Variants in STARD13 observed in about 807,000 individuals in gnomAD.
The protein encoded by STARD13 is stAR-related lipid transfer protein 13.
A neutral mutation model predicts 106.4 loss-of-function variants in STARD13; 62 were observed. That is an observed-to-expected ratio of 0.58 (90% CI 0.48 to 0.72). The LOEUF is 0.72. STARD13 is among the 30% of genes least tolerant of loss of function. STARD13 has a pLI of 0.00. For synonymous variants in STARD13, 565 were observed against 553.0 expected (o/e 1.02, Z -0.31); for missense variants, 1,387 against 1,424.0 (o/e 0.97, Z 0.42).
chr13:33,464,104 T>C, the STARD13 span, among the ~76,000 whole-genome samples: 4 of 150,260 alleles, frequency 2.7e-5, no homozygotes, highest in Admixed American at 2.7e-4. Context: ...CAATGGTGAC[T>C]GAACTATATA....
At chr13:33,225,546 A>G (rs766334273) in intron 1 of STARD13, among the ~76,000 whole-genome samples, 7 of 152,208 alleles carry the variant, frequency 4.6e-5, no homozygotes, top group Admixed American at 2.6e-4. Flanking sequence ...GCTTTGGTAC[A>G]TAATATTTAT....
exon 1 of STARD13, chr13:33,350,433 C>A (rs936434514): frequency 6.6e-7 from 1 of 1,524,260 alleles, no homozygotes; most frequent in African/African-American, 1.4e-5. Flanking sequence ...GTCCTCATAA[C>A]GACCGGCGGG....
chr13:33,376,043 T>C, the STARD13 span, among the ~76,000 whole-genome samples: 3 of 152,252 alleles, frequency 2.0e-5, no homozygotes, highest in South Asian at 4.2e-4. Context: ...AAAAGAAATA[T>C]GGTTTGACCA....
chr13:33,165,019 G>C (rs530859430), intron 3 of STARD13, among the ~76,000 whole-genome samples: 7 of 152,056 alleles, frequency 4.6e-5, no homozygotes, highest in African/African-American at 1.7e-4. Flanking sequence ...TGTTGTTTTA[G>C]CTTGACCATA....
chr13:33,429,697 G>A, the STARD13 span, among the ~76,000 whole-genome samples: 1 of 152,120 alleles, frequency 6.6e-6, no homozygotes, highest in Non-Finnish European at 1.5e-5. Flanking sequence ...TCACTTATTT[G>A]TGGGATCTAA....
chr13:33,545,050 G>A, the STARD13 span, among the ~76,000 whole-genome samples: 1 of 152,024 alleles, frequency 6.6e-6, no homozygotes, highest in East Asian at 1.9e-4. Context: ...CTGCTCCCAG[G>A]TTCAAGTGAG....
the STARD13 span, among the ~76,000 whole-genome samples, chr13:33,383,180 G>T: frequency 0.43 from 65,105 of 152,004 alleles, 14,810 homozygotes; most frequent in African/African-American, 0.56. Context: ...CATGCCACAT[G>T]GGTAGCGTAT....
At chr13:33,548,433 G>A in the STARD13 span, among the ~76,000 whole-genome samples, 1 of 152,174 alleles carries the variant, frequency 6.6e-6, no homozygotes, top group Non-Finnish European at 1.5e-5. Flanking sequence ...CAACATAGCA[G>A]TTTGATGAAA....
chr13:33,357,668 C>T, the STARD13 span, among the ~76,000 whole-genome samples: 1 of 152,218 alleles, frequency 6.6e-6, no homozygotes. Context: ...TGTTTACCAT[C>T]CATCTTTAAA....
chr13:33,643,295 G>C, the STARD13 span, among the ~76,000 whole-genome samples: 1 of 152,148 alleles, frequency 6.6e-6, no homozygotes, highest in Non-Finnish European at 1.5e-5. Flanking sequence ...AAAGAACGCT[G>C]CGTATTTGCC....
chr13:33,359,367 G>A, the STARD13 span: 38 of 166,792 alleles, frequency 2.3e-4, no homozygotes, highest in Admixed American at 5.2e-4. Context: ...CTGAACCAAC[G>A]AGACCACGAA....
chr13:33,139,482 A>C (rs574044653), intron 4 of STARD13, among the ~76,000 whole-genome samples: 1 of 152,178 alleles, frequency 6.6e-6, no homozygotes, highest in Non-Finnish European at 1.5e-5. Flanking sequence ...CCAAGGCACA[A>C]TGATTGTGAC....
At chr13:33,156,307 C>T (rs566071034) in intron 3 of STARD13, among the ~76,000 whole-genome samples, 2 of 152,140 alleles carry the variant, frequency 1.3e-5, no homozygotes, top group Non-Finnish European at 1.5e-5. Flanking sequence ...TTCTTTTGAG[C>T]GTGTCCCTGT....
chr13:33,547,323 G>A, the STARD13 span, among the ~76,000 whole-genome samples: 1 of 152,212 alleles, frequency 6.6e-6, no homozygotes, highest in South Asian at 2.1e-4. Flanking sequence ...AACACTTTGT[G>A]TCAGTTTCAG....
intron 1 of STARD13, among the ~76,000 whole-genome samples, chr13:33,190,404 G>A (rs1380117152): frequency 6.6e-6 from 1 of 152,084 alleles, no homozygotes; most frequent in African/African-American, 2.4e-5. Context: ...CAGGGTCACA[G>A]AGAAAGACCC....
chr13:33,540,940 T>C, the STARD13 span, among the ~76,000 whole-genome samples: 6 of 152,116 alleles, frequency 3.9e-5, no homozygotes, highest in South Asian at 2.1e-4. Flanking sequence ...AAAAGATAAA[T>C]GCATGCAGGA....
the STARD13 span, among the ~76,000 whole-genome samples, chr13:33,630,410 T>C: frequency 3.9e-5 from 6 of 152,186 alleles, no homozygotes; most frequent in African/African-American, 1.2e-4. Context: ...TCTTTAAGCC[T>C]AGGAAAAAAT....
intron 1 of STARD13, among the ~76,000 whole-genome samples, chr13:33,179,565 T>C (rs1885028310): frequency 6.6e-6 from 1 of 152,218 alleles, no homozygotes; most frequent in Non-Finnish European, 1.5e-5. Flanking sequence ...AAGGCATTTG[T>C]CTTTACTTAT....
chr13:33,650,126 G>A, the STARD13 span, among the ~76,000 whole-genome samples: 2 of 139,402 alleles, frequency 1.4e-5, no homozygotes, highest in East Asian at 4.6e-4. Flanking sequence ...TGGCGGTGGA[G>A]CCTATTTGGT....
Sources: allele counts gnomAD v4.1 joint callset (sites outside exome capture counted in the v4.1 genomes callset), GRCh38; gene constraint gnomAD v4.1.1; transcripts MANE v1.5; gene names NCBI Gene and HGNC (gene_info 2026-07-23, HGNC 2026-07-21).